FAM24B: variants seen among roughly 807,000 people sequenced by gnomAD.
The protein encoded by FAM24B is protein FAM24B.
In FAM24B, 3 loss-of-function variants were observed where a neutral mutation model predicts 2.3. The ratio of observed to expected loss-of-function variants is 1.29; its 90% CI spans 0.59 to 3.32. The LOEUF is 3.32. Ranked by LOEUF, FAM24B falls within the 30% of genes most tolerant of loss-of-function variation. The pLI is 0.03. For synonymous variants in FAM24B, 36 were observed against 46.3 expected, an observed-to-expected ratio of 0.78 and a Z score of 0.90; for missense variants, 98 against 117.2, an observed-to-expected ratio of 0.84 and a Z score of 0.76.
chr10:122,857,896 G>A (rs1170920883), intron 1 of FAM24B, among the ~76,000 whole-genome samples: 2 of 152,172 alleles, frequency 1.3e-5, no homozygotes, highest in South Asian at 2.1e-4. Flanking sequence ...CTGGAAGTGC[G>A]TGTCAGTGCC....
At chr10:122,873,066 T>C (rs1847923228) in intron 1 of FAM24B, among the ~76,000 whole-genome samples, 1 of 152,200 alleles carries the variant, frequency 6.6e-6, no homozygotes. Flanking sequence ...CAGCAAGTTA[T>C]CTAGAAGCTG....
intron 2 of FAM24B, among the ~76,000 whole-genome samples, chr10:122,852,521 A>G (rs1392748694): frequency 6.6e-6 from 1 of 152,196 alleles, no homozygotes; most frequent in Non-Finnish European, 1.5e-5. Flanking sequence ...CTCCACTGAC[A>G]CTGCAGTGGA....
chr10:122,874,899 A>G (rs1440422801), intron 1 of FAM24B, among the ~76,000 whole-genome samples: 1 of 152,146 alleles, frequency 6.6e-6, no homozygotes, highest in African/African-American at 2.4e-5. Flanking sequence ...TTCTTTTCCC[A>G]GGGTAGCCCA....
At chr10:122,869,848 G>C (rs553559492) in intron 1 of FAM24B, among the ~76,000 whole-genome samples, 1 of 152,082 alleles carries the variant, frequency 6.6e-6, no homozygotes, top group African/African-American at 2.4e-5. Context: ...ATCTAAAATT[G>C]ACACCCTAAC....
chr10:122,873,340 CTCTG>C (rs1173251318), intron 1 of FAM24B, among the ~76,000 whole-genome samples: 5 of 152,222 alleles, frequency 3.3e-5, no homozygotes, highest in African/African-American at 1.2e-4. Flanking sequence ...GCTAAATCTG[CTCTG>C]TCTTTGCTTT....
Position 122,850,428 on chromosome 10 carries a change from G to A in FAM24B, c.88C>T (p.Leu30=), listed in dbSNP as rs150972321. ...LCLYFKIHNA[L]KAAKEPEAVA... is the part of the protein sequence containing the mutation. ...TATTTTGAACTTGTGACTCACTTTA[G>A]CGCGTTGTGTATTTTGAAGTAAAGA... The change falls in exon 3 of 4, where the codon CTA becomes TTA. Residue 30 remains leucine (L), a synonymous_variant. Transcript: ENST00000368898. The A allele has an allele frequency of 3.7e-6, 6 of 1,613,246 alleles. No individual in the cohort carries two copies. The highest frequency in any genetic ancestry group is 5.1e-6 in the Non-Finnish European group (6 of 1,179,364).
At chr10:122,858,885 T>C (rs1304670127) in intron 1 of FAM24B, among the ~76,000 whole-genome samples, 1 of 152,220 alleles carries the variant, frequency 6.6e-6, no homozygotes, top group Non-Finnish European at 1.5e-5. Context: ...GCAACAGACT[T>C]CTGTGAGCAA....
chr10:122,859,369 T>G (rs2133830489), intron 1 of FAM24B, among the ~76,000 whole-genome samples: 1 of 152,268 alleles, frequency 6.6e-6, no homozygotes, highest in South Asian at 2.1e-4. Context: ...TTATACCTTA[T>G]CAGAACAGAG....
intron 1 of FAM24B, among the ~76,000 whole-genome samples, chr10:122,875,090 C>T (rs1295088256): frequency 6.6e-6 from 1 of 152,198 alleles, no homozygotes; most frequent in African/African-American, 2.4e-5. Flanking sequence ...CATGTTATTA[C>T]AAGTTTTATA....
intron 1 of FAM24B, among the ~76,000 whole-genome samples, chr10:122,872,843 G>A (rs1217269718): frequency 1.3e-5 from 2 of 152,084 alleles, no homozygotes; most frequent in East Asian, 1.9e-4. Context: ...GTTAAATGAC[G>A]AGTTAATGGG....
chr10:122,854,898 C>T (rs977618709), intron 2 of FAM24B, among the ~76,000 whole-genome samples: 1 of 152,238 alleles, frequency 6.6e-6, no homozygotes, highest in African/African-American at 2.4e-5. Context: ...GGTGCAAACA[C>T]CCCGATGCCT....
chr10:122,856,768 A>G (rs766901382), intron 1 of FAM24B, among the ~76,000 whole-genome samples: 4 of 152,086 alleles, frequency 2.6e-5, no homozygotes, highest in Non-Finnish European at 5.9e-5. Context: ...GACCCATTGC[A>G]TGTTGCAAAG....
intron 1 of FAM24B, among the ~76,000 whole-genome samples, chr10:122,872,275 G>A (rs1847908702): frequency 6.6e-6 from 1 of 152,176 alleles, no homozygotes; most frequent in Non-Finnish European, 1.5e-5. Context: ...TCAGTAAAAA[G>A]TCAGGAAACA....
rs1847813038 is a variant in FAM24B, at chr10:122,866,965, T to A, written c.-177-11179A>T. Among the ~76,000 whole-genome samples the A allele has an allele frequency of 2.6e-5, 4 of 152,318 alleles. No individual in the cohort carries two copies. The South Asian group carries it at 8.3e-4, about 32-fold the overall frequency. On this transcript the variant is annotated intron_variant, in intron 1 of 3. Transcript: ENST00000368898. ...CCAGATAGGCTGACAACTAGGCCTC[T>A]TGCATGAAACAGTTACCAAGTTGGA...
intron 2 of FAM24B, among the ~76,000 whole-genome samples, chr10:122,852,953 C>G (rs922885587): frequency 1.3e-5 from 2 of 152,138 alleles, no homozygotes; most frequent in Non-Finnish European, 2.9e-5. Flanking sequence ...TGGTGGGGCT[C>G]TTTTGTCTGA....
At chr10:122,858,345 C>A (rs1175504188) in intron 1 of FAM24B, among the ~76,000 whole-genome samples, 1 of 148,794 alleles carries the variant, frequency 6.7e-6, no homozygotes, top group East Asian at 2.0e-4. Flanking sequence ...TAGGCGGGAA[C>A]TGAACGATGA....
At chr10:122,876,484 G>A (rs1589679419) in intron 1 of FAM24B, among the ~76,000 whole-genome samples, 1 of 152,316 alleles carries the variant, frequency 6.6e-6, no homozygotes, top group African/African-American at 2.4e-5. Flanking sequence ...CTAAGAATCT[G>A]CTGCAGCTCT....
intron 1 of FAM24B, among the ~76,000 whole-genome samples, chr10:122,878,948 C>T (rs1037988045): frequency 6.6e-6 from 1 of 152,082 alleles, no homozygotes; most frequent in Non-Finnish European, 1.5e-5. Context: ...ATTATGATGA[C>T]ATGTATCAAA....
chr10:122,865,011 A>T (rs1847780799), intron 1 of FAM24B, among the ~76,000 whole-genome samples: 1 of 152,232 alleles, frequency 6.6e-6, no homozygotes, highest in Non-Finnish European at 1.5e-5. Context: ...TTATGAATAA[A>T]GCCACTATAA....
Sources: allele counts gnomAD v4.1 joint callset (sites outside exome capture counted in the v4.1 genomes callset), GRCh38; gene constraint gnomAD v4.1.1; transcripts MANE v1.5; gene names NCBI Gene and HGNC (gene_info 2026-07-23, HGNC 2026-07-21).